TRIM48: variants seen among roughly 807,000 people sequenced by gnomAD.
TRIM48 encodes the protein E3 ubiquitin-protein ligase TRIM48.
TRIM48 carries 31 observed loss-of-function variants against 29.5 expected under a neutral mutation model. The observed-to-expected ratio is 1.05, with a 90% CI of 0.79 to 1.42. TRIM48 has a LOEUF of 1.42. TRIM48 is among the 40% of genes most tolerant of loss of function. The probability of loss-of-function intolerance (pLI) is 0.00; values close to 1 mark genes in which losing one functional copy is unlikely to be tolerated. For missense variants in TRIM48, 344 were observed against 265.0 expected (o/e 1.30, Z -2.07); for synonymous variants, 128 against 90.6 (o/e 1.41, Z -2.34).
At position 55,268,714 on chromosome 11, in the gene TRIM48, A is replaced by C. The variant is rs1428387664; in HGVS notation, c.578+342A>C. On this transcript the variant is annotated intron_variant, in intron 4 of 5. Transcript: ENST00000417545. ...AAGTATTTTAGCAGTGAAAAAGTTG[A>C]TGATTTGTTGTTCATACCTATACAC... Among the ~76,000 whole-genome samples, 4 of 147,782 alleles carry C rather than the reference A, an allele frequency of 2.7e-5. 1 individual carries two copies. The highest frequency in any genetic ancestry group is 6.0e-5 in the Non-Finnish European group (4 of 66,948).
At chr11:55,267,039 C>T (rs1194844191) in intron 3 of TRIM48, among the ~76,000 whole-genome samples, 1 of 147,960 alleles carries the variant, frequency 6.8e-6, no homozygotes, top group African/African-American at 2.5e-5. Flanking sequence ...CAACTTGTTA[C>T]ATATCTCAGA....
rs1199002029 is a variant in TRIM48 at position 55,264,880 on chromosome 11, T to A, written c.45-20T>A. The A allele has an allele frequency of 6.3e-7, 1 of 1,582,736 alleles. No homozygotes were observed. Among genetic ancestry groups the A allele is most frequent in the African/African-American group, 1.4e-5 (1 of 73,492 alleles). On this transcript the variant is annotated intron_variant, in intron 1 of 5. Coordinates refer to ENST00000417545, the MANE Select transcript of TRIM48 (RefSeq NM_024114.5). The stretch of plus-strand genomic sequence containing the variant: ...CATCAACCCAGACCCCAAAATGACA[T>A]GCTGCTCTTTCTTCCTCAGAAACAT...
chr11:55,268,006 G>A (rs1406296817), intron 3 of TRIM48, among the ~76,000 whole-genome samples: 1 of 147,696 alleles, frequency 6.8e-6, no homozygotes, highest in Admixed American at 6.9e-5. Flanking sequence ...TGGGAATCTA[G>A]GCTCACATTA....
At chr11:55,266,671 C>T (rs541139480) in intron 3 of TRIM48, among the ~76,000 whole-genome samples, 1 of 147,706 alleles carries the variant, frequency 6.8e-6, no homozygotes, top group Admixed American at 6.9e-5. Context: ...AAAAGACTCA[C>T]TGAAAAATTC....
rs900841761 is a variant in TRIM48 at position 55,270,843 on chromosome 11, C to T, written c.*408C>T. 12 of 1,571,354 alleles carry T rather than the reference C, an allele frequency of 7.6e-6. 3 individuals are homozygous for T. The East Asian group carries it at 1.2e-4, about 16-fold the overall frequency. On this transcript the variant is annotated 3_prime_UTR_variant, in exon 6 of 6. Transcript: ENST00000417545. The stretch of plus-strand genomic sequence containing the variant: ...ATTGTGAAGCTAGAACTGTGAGCTT[C>T]GTTGATGTTAGTCAAAGCTCCCCTA...
rs558683491 is a variant in TRIM48, at chr11:55,270,622, G to A, written c.*187G>A. 9.3e-5 allele frequency: 147 copies of A among 1,582,748 alleles called. 24 individuals are homozygous for A. The Middle Eastern group carries it at 1.2e-3, about 13-fold the overall frequency. On this transcript the variant is annotated 3_prime_UTR_variant, in exon 6 of 6. Transcript: ENST00000417545. ...ATATTACTGGGAGGTCCATGTGGGGGACTCTTGGAATTGGGCTTTTGGTGT... is the reference window on the plus strand; with the variant it reads ...ATATTACTGGGAGGTCCATGTGGGGAACTCTTGGAATTGGGCTTTTGGTGT...
intron 4 of TRIM48, among the ~76,000 whole-genome samples, chr11:55,268,802 T>A (rs1302270184): frequency 6.8e-6 from 1 of 147,740 alleles, no homozygotes; most frequent in African/African-American, 2.5e-5. Flanking sequence ...ACTGTATAAG[T>A]CTCTAGGGAA....
In TRIM48 at chr11:55,266,217, G is replaced by A. The variant is rs946698047; in HGVS notation, c.555+522G>A. 6.1e-5 allele frequency among the ~76,000 whole-genome samples: 9 copies of A among 147,630 alleles called. 1 individual carries two copies. In the Admixed American group the frequency reaches 6.2e-4, roughly 10 times the overall value. The stretch of plus-strand genomic sequence containing the variant: ...TTGAATAATACATAACATATGATGA[G>A]AAAAGTGGTGAGAAATATGGATTTG... On this transcript the variant is annotated intron_variant, in intron 3 of 5. Transcript: ENST00000417545.
At chr11:55,263,229 A>C (rs1436311912) in intron 1 of TRIM48, among the ~76,000 whole-genome samples, 1 of 152,194 alleles carries the variant, frequency 6.6e-6, no homozygotes, top group African/African-American at 2.4e-5. Flanking sequence ...ACAATTGCCT[A>C]GAGTATACAG....
Position 55,270,761 on chromosome 11 carries a change from C to T in TRIM48, c.*326C>T. ...ATTCAGTGCAGTCTCTTTACCACCT[C>T]CCCAATTACACTGCAGTATGTCCCA... On this transcript the variant is annotated 3_prime_UTR_variant, in exon 6 of 6. Coordinates refer to ENST00000417545, the MANE Select transcript of TRIM48 (RefSeq NM_024114.5). 6.4e-7 allele frequency: 1 copy of T among 1,569,108 alleles called. No individual in the cohort carries two copies. The highest frequency in any genetic ancestry group is 8.7e-7 in the Non-Finnish European group (1 of 1,153,028).
Position 55,269,292 on chromosome 11 carries a change from G to A in TRIM48, c.629G>A (p.Arg210Lys), listed in dbSNP as rs764632649. The change falls in exon 5 of 6, where the codon AGG becomes AAG. Residue 210 changes from arginine (R) to lysine (K), a missense_variant. Transcript: ENST00000417545. ...HMPQPLNLALRAGPITGLRDR... is the reference protein window; with the variant it reads ...HMPQPLNLALKAGPITGLRDR... ...CCCCAGCCTCTGAATCTAGCGCTCA[G>A]GGCAGGGCCCATCACTGGACTGAGG... 4.6e-5 allele frequency: 72 copies of A among 1,576,088 alleles called. 7 individuals carry two copies. Among genetic ancestry groups the A allele is most frequent in the Non-Finnish European group, 5.7e-5 (67 of 1,166,032 alleles).
In TRIM48 at chr11:55,263,192, T is replaced by A. The variant is rs558512043; in HGVS notation, c.44+881T>A. Among the ~76,000 whole-genome samples the A allele has an allele frequency of 1.9e-4, 29 of 152,250 alleles. No individual in the cohort carries two copies. In the East Asian group the frequency reaches 5.4e-3, roughly 28 times the overall value. On this transcript the variant is annotated intron_variant, in intron 1 of 5. Transcript: ENST00000417545. ...TGCACCTTTTCTGTATTTAAATGTT[T>A]ACATACTAAATAATTACCACTGTGT...
At chr11:55,270,143 T>A (rs996825949) in intron 5 of TRIM48, among the ~76,000 whole-genome samples, 1 of 148,262 alleles carries the variant, frequency 6.7e-6, no homozygotes, top group African/African-American at 2.5e-5. Context: ...TTAGGGCGTA[T>A]AATGTGCAAA....
rs146831570 is a variant in TRIM48 at position 55,264,683 on chromosome 11, A to G, written c.45-217A>G. On this transcript the variant is annotated intron_variant, in intron 1 of 5. Coordinates refer to ENST00000417545, the MANE Select transcript of TRIM48 (RefSeq NM_024114.5). ...TATTATGTTACAGACAGGCACTAGG[A>G]GTAGAAGGGGTTGTGAGGCATCTAG... is the stretch of plus-strand genomic sequence containing the variant. Among the ~76,000 whole-genome samples, 1,164 of 148,292 alleles carry G rather than the reference A, an allele frequency of 7.8e-3. 92 individuals are homozygous for G. Among genetic ancestry groups the G allele is most frequent in the African/African-American group, 0.027 (1,111 of 40,592 alleles).
chr11:55,263,067 G>A (rs1051541324), intron 1 of TRIM48, among the ~76,000 whole-genome samples: 5 of 151,972 alleles, frequency 3.3e-5, no homozygotes, highest in Non-Finnish European at 7.4e-5. Context: ...AGAATCATAG[G>A]GTGTATATGT....
chr11:55,263,520 G>A (rs866425688), intron 1 of TRIM48, among the ~76,000 whole-genome samples: 2 of 151,934 alleles, frequency 1.3e-5, no homozygotes, highest in Admixed American at 6.6e-5. Flanking sequence ...AAATTTGCCG[G>A]GTGTAGTGGC....
chr11:55,262,971 G>A (rs12099133), intron 1 of TRIM48, among the ~76,000 whole-genome samples: 8,267 of 152,036 alleles, frequency 0.054, 304 homozygotes, highest in Non-Finnish European at 0.081. Context: ...ATTCAGCAGC[G>A]TTATCAAATA....
intron 3 of TRIM48, among the ~76,000 whole-genome samples, chr11:55,267,028 G>A (rs1480309907): frequency 6.8e-6 from 1 of 147,840 alleles, no homozygotes; most frequent in East Asian, 2.1e-4. Context: ...ATGAGTTTAA[G>A]CAACTTGTTA....
rs956869989 is a variant in TRIM48, at chr11:55,267,425, C to T, written c.556-925C>T. On this transcript the variant is annotated intron_variant, in intron 3 of 5. Transcript: ENST00000417545. ...ACTGCCGTATTATGTGAATGTAAGG[C>T]TAGAAGCTATTAAAGCTGAGTATCA... 1.1e-5 allele frequency: 18 copies of T among 1,577,496 alleles called. 1 individual carries two copies. The highest frequency in any genetic ancestry group is 1.5e-5 in the Non-Finnish European group (18 of 1,162,182).
Sources: allele counts gnomAD v4.1 joint callset (sites outside exome capture counted in the v4.1 genomes callset), GRCh38; gene constraint gnomAD v4.1.1; transcripts MANE v1.5; gene names NCBI Gene and HGNC (gene_info 2026-07-23, HGNC 2026-07-21).